Variants in TACC1 observed in about 807,000 individuals in gnomAD.
TACC1 encodes transforming acidic coiled-coil containing protein 1, also known as transforming acidic coiled-coil-containing protein 1.
Under a neutral mutation model 84.4 loss-of-function variants are expected in TACC1, and 48 were observed. The observed-to-expected ratio is 0.57, with a 90% CI of 0.45 to 0.72. TACC1 has a LOEUF of 0.72. Among genes scored for constraint, TACC1 ranks in the 30% least tolerant of loss-of-function variants. The probability of loss-of-function intolerance (pLI) is 0.00; values close to 1 mark genes in which losing one functional copy is unlikely to be tolerated. For synonymous variants in TACC1, 372 were observed against 376.3 expected (o/e 0.99, Z 0.13); for missense variants, 920 against 973.0 (o/e 0.95, Z 0.72).
At chr8:38,835,264 A>T (rs896767881) in intron 6 of TACC1, among the ~76,000 whole-genome samples, 11 of 152,154 alleles carry the variant, frequency 7.2e-5, no homozygotes, top group African/African-American at 2.7e-4. Flanking sequence ...AAAAAAAAAA[A>T]AAAAAGTTTA....
At chr8:38,804,349 A>G (rs1178336233) in intron 2 of TACC1, among the ~76,000 whole-genome samples, 1 of 151,928 alleles carries the variant, frequency 6.6e-6, no homozygotes, top group Non-Finnish European at 1.5e-5. Context: ...ACCCAGGCTG[A>G]GTTCAGTGGC....
chr8:38,737,874 T>A (rs1385049193), intron 1 of TACC1, among the ~76,000 whole-genome samples: 1 of 151,950 alleles, frequency 6.6e-6, no homozygotes, highest in Non-Finnish European at 1.5e-5. Flanking sequence ...ATTACAAGCA[T>A]GTGCCTCCAT....
chr8:38,828,581 T>C (rs1161546262), intron 5 of TACC1, among the ~76,000 whole-genome samples: 1 of 152,180 alleles, frequency 6.6e-6, no homozygotes, highest in Admixed American at 6.5e-5. Flanking sequence ...TTCCTCTTGG[T>C]GTCTGTGTCT....
intron 3 of TACC1, among the ~76,000 whole-genome samples, chr8:38,757,928 C>G (rs1360826177): frequency 6.6e-6 from 1 of 152,108 alleles, no homozygotes; most frequent in Non-Finnish European, 1.5e-5. Context: ...AGTATTGTAG[C>G]AGCAGCAATT....
chr8:38,757,311 C>A (rs960444818), intron 3 of TACC1: 3 of 1,265,986 alleles, frequency 2.4e-6, no homozygotes, highest in Admixed American at 2.4e-5. Context: ...GAGGGTGCAG[C>A]CCCGGCCCCA....
Position 38,787,530 on chromosome 8 carries a change from T to C in TACC1, c.-53T>C. On this transcript the variant is annotated 5_prime_UTR_variant, in exon 1 of 13. Coordinates refer to ENST00000317827, the MANE Select transcript of TACC1 (RefSeq NM_006283.3). ...CCTCCATTTTGAAAGGGAAAAAGGC[T>C]CTCCCCACCCATTCCCCTGCCCCTA... 1 of 1,463,284 alleles carries C rather than the reference T, an allele frequency of 6.8e-7. No individual in the cohort carries two copies. The highest frequency in any genetic ancestry group is 9.0e-7 in the Non-Finnish European group (1 of 1,113,004). The allele number at this position is 1,463,284 out of a possible 1,614,324, so 90.6% of individuals were successfully genotyped here. A position where few individuals can be genotyped will look rare whatever the true frequency, so the allele number is the denominator to read the frequency against.
intron 2 of TACC1, among the ~76,000 whole-genome samples, chr8:38,794,887 A>G (rs1220782889): frequency 6.6e-6 from 1 of 152,166 alleles, no homozygotes; most frequent in Non-Finnish European, 1.5e-5. Flanking sequence ...TCGCAGCCTA[A>G]TGCTTTTAAT....
At chr8:38,790,255 C>T (rs1263049520) in intron 2 of TACC1, among the ~76,000 whole-genome samples, 1 of 152,214 alleles carries the variant, frequency 6.6e-6, no homozygotes, top group Non-Finnish European at 1.5e-5. Flanking sequence ...TGTGAGGACA[C>T]CAGTCGTTGA....
rs1832663180 is a variant in TACC1, at chr8:38,848,203, C to G, written c.*180C>G. On this transcript the variant is annotated 3_prime_UTR_variant, in exon 13 of 13. Transcript: ENST00000317827. ...CAATGCAACAGCCCTGGAAGAAACC[C>G]TAGAGGGTTGCATAGTCTAGAAAGG... 1.7e-6 allele frequency: 1 copy of G among 582,712 alleles called. No homozygotes were observed. The highest frequency in any genetic ancestry group is 3.0e-6 in the Non-Finnish European group (1 of 333,472). The allele number at this position is 582,712 out of a possible 1,614,324, so 36.1% of individuals were successfully genotyped here.
intron 2 of TACC1, among the ~76,000 whole-genome samples, chr8:38,796,632 G>A (rs1467754603): frequency 6.6e-6 from 1 of 152,200 alleles, no homozygotes; most frequent in African/African-American, 2.4e-5. Flanking sequence ...TAAGTGCAGT[G>A]GGATTGAAAA....
At chr8:38,811,714 A>C (rs11778012) in intron 2 of TACC1, among the ~76,000 whole-genome samples, 48,511 of 152,138 alleles carry the variant, frequency 0.32, 8,833 homozygotes, top group Non-Finnish European at 0.42. Context: ...CTATTGTACA[A>C]ATTGATTGTG....
chr8:38,787,435 C>T lies in TACC1; in HGVS notation c.-148C>T, dbSNP rs1817508821. On this transcript the variant is annotated 5_prime_UTR_variant, in exon 1 of 13. Coordinates refer to ENST00000317827, the MANE Select transcript of TACC1 (RefSeq NM_006283.3). ...GCGGGAGGAAGCGCTCCACCAGGGC[C>T]CCCGACGGCACTCGTTTAACCACAT... The T allele has an allele frequency of 1.7e-5, 23 of 1,357,430 alleles. No individual in the cohort carries two copies. The highest frequency in any genetic ancestry group is 2.1e-5 in the Non-Finnish European group (22 of 1,061,230). The allele number at this position is 1,357,430 out of a possible 1,614,324, so 84.1% of individuals were successfully genotyped here.
upstream of TACC1, among the ~76,000 whole-genome samples, chr8:38,784,618 G>C (rs1816763904): frequency 6.6e-6 from 1 of 152,096 alleles, no homozygotes; most frequent in South Asian, 2.1e-4. Flanking sequence ...ATCTTACTGG[G>C]GCCATCACTT....
At chr8:38,757,378 G>T in intron 3 of TACC1, 1 of 1,261,628 alleles carries the variant, frequency 7.9e-7, no homozygotes, top group Non-Finnish European at 1.0e-6. Flanking sequence ...GGAACCCGCC[G>T]GGGAGAGGCA....
At chr8:38,739,137 C>T (rs957657795) in intron 1 of TACC1, among the ~76,000 whole-genome samples, 1 of 152,178 alleles carries the variant, frequency 6.6e-6, no homozygotes, top group African/African-American at 2.4e-5. Context: ...GATCTGCCTG[C>T]CTTATGCTCC....
chr8:38,780,309 A>C (rs185634639), intron 3 of TACC1, among the ~76,000 whole-genome samples: 170 of 152,294 alleles, frequency 1.1e-3, no homozygotes, highest in African/African-American at 3.8e-3. Flanking sequence ...ACTATGCTCC[A>C]ATCATAAATC....
At chr8:38,784,229 A>G (rs1816685447), upstream of TACC1, among the ~76,000 whole-genome samples, 1 of 152,178 alleles carries the variant, frequency 6.6e-6, no homozygotes, top group Non-Finnish European at 1.5e-5. Flanking sequence ...GAACTTGCAG[A>G]GGAGTGATTT....
intron 2 of TACC1, among the ~76,000 whole-genome samples, chr8:38,804,191 T>G (rs1279637289): frequency 6.6e-6 from 1 of 152,260 alleles, no homozygotes; most frequent in East Asian, 1.9e-4. Context: ...TTATTTGTTC[T>G]AAATTTTTAA....
rs112301765 is a variant in TACC1, at chr8:38,830,423, C to T, written c.1661-702C>T. On this transcript the variant is annotated intron_variant, in intron 5 of 12. Coordinates refer to ENST00000317827, the MANE Select transcript of TACC1 (RefSeq NM_006283.3). The stretch of plus-strand genomic sequence containing the variant: ...CCAAGTAGCTGAGATTATAGGCATG[C>T]GCCACCACGCCCAGCTAATTTTTGT... Among the ~76,000 whole-genome samples, 358 of 152,216 alleles carry T rather than the reference C, an allele frequency of 2.4e-3. 6 individuals are homozygous for T. The highest frequency in any genetic ancestry group is 7.8e-3 in the African/African-American group (324 of 41,558).
Sources: gnomAD v4.1 joint callset for allele counts (sites outside exome capture counted in the v4.1 genomes callset) on GRCh38, gnomAD v4.1.1 for gene constraint, MANE v1.5 for transcripts, NCBI Gene and HGNC (gene_info 2026-07-23, HGNC 2026-07-21) for gene names.